Variants in UBE3D observed in about 807,000 individuals in gnomAD.
UBE3D encodes E3 ubiquitin-protein ligase E3D.
Under a neutral mutation model 49.6 loss-of-function variants are expected in UBE3D, and 48 were observed. The observed-to-expected ratio is 0.97, with a 90% CI of 0.77 to 1.23. The LOEUF (loss-of-function observed/expected upper bound fraction) is 1.23. Ranked by LOEUF, UBE3D falls within the 50% of genes most tolerant of loss-of-function variation. The probability of loss-of-function intolerance (pLI) is 0.00; values close to 1 mark genes in which losing one functional copy is unlikely to be tolerated. For synonymous variants in UBE3D, 189 were observed against 174.2 expected (o/e 1.08, Z -0.67); for missense variants, 452 against 468.4 (o/e 0.96, Z 0.32).
intron 8 of UBE3D, among the ~76,000 whole-genome samples, chr6:83,005,371 T>C (rs974412639): frequency 1.3e-5 from 2 of 151,884 alleles, no homozygotes; most frequent in African/African-American, 4.8e-5. Context: ...ACTGCTTGTG[T>C]ACTTTTGATA....
intron 9 of UBE3D, among the ~76,000 whole-genome samples, chr6:82,911,110 C>T (rs1020502577): frequency 2.1e-5 from 3 of 139,922 alleles, no homozygotes; most frequent in African/African-American, 8.1e-5. Flanking sequence ...CACTTGGGAA[C>T]AGTTCACTAT....
intron 8 of UBE3D, among the ~76,000 whole-genome samples, chr6:82,999,256 T>C (rs1191575777): frequency 6.6e-6 from 1 of 152,206 alleles, no homozygotes; most frequent in Non-Finnish European, 1.5e-5. Flanking sequence ...AGAGCTATCC[T>C]GCTCCTGAGG....
intron 8 of UBE3D, among the ~76,000 whole-genome samples, chr6:82,963,148 C>T (rs899983907): frequency 6.8e-6 from 1 of 147,158 alleles, no homozygotes; most frequent in Non-Finnish European, 1.5e-5. Flanking sequence ...AGAGTAAGAA[C>T]TACAGGTAAC....
chr6:83,027,893 T>G (rs1366587741), intron 5 of UBE3D, among the ~76,000 whole-genome samples: 1 of 152,182 alleles, frequency 6.6e-6, no homozygotes, highest in Non-Finnish European at 1.5e-5. Flanking sequence ...GAAGTCTGAT[T>G]AAACATACAT....
chr6:83,048,896 C>G (rs1783265577), intron 3 of UBE3D, among the ~76,000 whole-genome samples: 1 of 151,724 alleles, frequency 6.6e-6, no homozygotes, highest in South Asian at 2.1e-4. Context: ...CCATTTTTTT[C>G]AAGGTTAGTT....
At chr6:83,028,025 G>T (rs1781604980) in intron 5 of UBE3D, among the ~76,000 whole-genome samples, 1 of 152,070 alleles carries the variant, frequency 6.6e-6, no homozygotes, top group Admixed American at 6.6e-5. Context: ...TCTTCAAGTT[G>T]TATCTAATCT....
At chr6:82,905,804 G>C in intron 9 of UBE3D, among the ~76,000 whole-genome samples, 1 of 152,066 alleles carries the variant, frequency 6.6e-6, no homozygotes, top group East Asian at 1.9e-4. Flanking sequence ...GTAACAATCT[G>C]TAGTGTACTT....
At chr6:82,909,350 A>G (rs954392738) in intron 9 of UBE3D, among the ~76,000 whole-genome samples, 3 of 152,180 alleles carry the variant, frequency 2.0e-5, no homozygotes, top group Non-Finnish European at 2.9e-5. Flanking sequence ...TCTGAACTGT[A>G]TAACATTAGC....
intron 9 of UBE3D, among the ~76,000 whole-genome samples, chr6:82,914,896 TGA>T (rs1178001429): frequency 7.2e-6 from 1 of 139,030 alleles, no homozygotes; most frequent in African/African-American, 2.6e-5. Flanking sequence ...TCTCTCATCC[TGA>T]GAGGATAATG....
At chr6:82,918,175 T>C (rs1562081929) in intron 9 of UBE3D, among the ~76,000 whole-genome samples, 1 of 152,068 alleles carries the variant, frequency 6.6e-6, no homozygotes, top group East Asian at 1.9e-4. Flanking sequence ...TTTCAGTTTT[T>C]GGGAATAGTT....
In UBE3D at chr6:82,957,227, TA is replaced by T. The variant is rs1334318883; in HGVS notation, c.1149+84del. The T allele has an allele frequency of 3.5e-6, 5 of 1,411,438 alleles. No individual in the cohort carries two copies. In the African/African-American group the frequency reaches 7.2e-5, roughly 20 times the overall value. The allele number at this position is 1,411,438 out of a possible 1,614,324, so 87.4% of individuals were successfully genotyped here. A position where few individuals can be genotyped will look rare whatever the true frequency, so the allele number is the denominator to read the frequency against. The stretch of plus-strand genomic sequence containing the variant: ...TTTGAAACTAGGGAATTCCACGGGC[TA>T]TCTCCTGTGAAAGAGAGGATCCTTA... On this transcript the variant is annotated intron_variant, in intron 9 of 9. Transcript: ENST00000369747.
intron 4 of UBE3D, among the ~76,000 whole-genome samples, chr6:83,041,443 T>C (rs183534325): frequency 3.0e-4 from 45 of 152,334 alleles, no homozygotes; most frequent in Admixed American, 2.0e-3. Context: ...ATAAAATCTG[T>C]ATATGGCCTG....
At chr6:82,944,617 G>C (rs1582424984) in intron 9 of UBE3D, among the ~76,000 whole-genome samples, 1 of 152,196 alleles carries the variant, frequency 6.6e-6, no homozygotes, top group South Asian at 2.1e-4. Context: ...TTGCACTTTA[G>C]GTACTAGCTT....
chr6:82,917,912 T>C (rs1038976612), intron 9 of UBE3D, among the ~76,000 whole-genome samples: 6 of 152,214 alleles, frequency 3.9e-5, no homozygotes, highest in South Asian at 4.1e-4. Context: ...CTTGCTGCTA[T>C]TGTAGCTGTT....
At chr6:83,048,111 A>C (rs1163983392) in intron 3 of UBE3D, among the ~76,000 whole-genome samples, 2 of 143,666 alleles carry the variant, frequency 1.4e-5, no homozygotes, top group African/African-American at 5.1e-5. Flanking sequence ...AAAAATCTGC[A>C]TTAAGTTCAC....
At chr6:82,942,500 C>A (rs1319464563) in intron 9 of UBE3D, among the ~76,000 whole-genome samples, 1 of 152,188 alleles carries the variant, frequency 6.6e-6, no homozygotes, top group African/African-American at 2.4e-5. Context: ...CAGGGCAGCC[C>A]CTCCCATCAC....
rs764532079 is a variant in UBE3D at position 83,057,840 on chromosome 6, G to A, written c.260C>T (p.Ala87Val). 4 of 1,613,972 alleles carry A rather than the reference G, an allele frequency of 2.5e-6. No homozygotes were observed. Among genetic ancestry groups the A allele is most frequent in the Non-Finnish European group, 3.4e-6 (4 of 1,180,012 alleles). Residue 87 changes from alanine to valine, a missense_variant, in exon 2 of 10, where the codon GCA becomes GTA. Coordinates refer to ENST00000369747, the MANE Select transcript of UBE3D (RefSeq NM_198920.3). The part of the protein sequence containing the change: ...DGLHLRLQTQ[A>V]KLGTKLISMF... The stretch of plus-strand genomic sequence containing the variant: ...ATATTACTCACTTGTGCCTAATTTT[G>A]CTTGCGTCTGCAGTCGCAGGTGCAG...
At chr6:82,983,778 T>C (rs1422865289) in intron 8 of UBE3D, among the ~76,000 whole-genome samples, 4 of 152,184 alleles carry the variant, frequency 2.6e-5, no homozygotes. Context: ...AATATGATTA[T>C]GAAAAAAGTT....
chr6:82,995,096 G>A (rs1779145425), intron 8 of UBE3D, among the ~76,000 whole-genome samples: 1 of 151,870 alleles, frequency 6.6e-6, no homozygotes, highest in Non-Finnish European at 1.5e-5. Context: ...TAAATGAGAA[G>A]GAAAAAGGGA....
Sources: allele counts gnomAD v4.1 joint callset (sites outside exome capture counted in the v4.1 genomes callset), GRCh38; gene constraint gnomAD v4.1.1; transcripts MANE v1.5; gene names NCBI Gene and HGNC (gene_info 2026-07-23, HGNC 2026-07-21).